Variants in FBXO42 observed in about 807,000 individuals in gnomAD.
The protein encoded by FBXO42 is F-box protein 42, also known as F-box only protein 42.
FBXO42 carries 12 observed loss-of-function variants against 71.7 expected under a neutral mutation model. The ratio of observed to expected loss-of-function variants is 0.17; its 90% CI spans 0.11 to 0.27. The LOEUF (loss-of-function observed/expected upper bound fraction) is 0.27. Ranked by LOEUF, FBXO42 falls within the 10% of genes least tolerant of loss-of-function variation. FBXO42 has a pLI of 1.00. For missense variants in FBXO42, 707 were observed against 911.9 expected (o/e 0.78, Z 2.89); for synonymous variants, 325 against 327.5 (o/e 0.99, Z 0.08).
chr1:16,261,958 C>T (rs893544679), intron 4 of FBXO42, among the ~76,000 whole-genome samples: 7 of 152,104 alleles, frequency 4.6e-5, no homozygotes, highest in African/African-American at 9.7e-5. Flanking sequence ...GTGATCCACC[C>T]GCCTTGGTCT....
At chr1:16,256,808 A>C in intron 4 of FBXO42, 49 bp from the exon 5 acceptor site, 1 of 1,595,636 alleles carries the variant, frequency 6.3e-7, no homozygotes, top group Non-Finnish European at 8.6e-7. Flanking sequence ...TCTCACAACA[A>C]TCCGTAGTTA....
At chr1:16,285,357 TC>T (rs1380067679) in intron 4 of FBXO42, among the ~76,000 whole-genome samples, 1 of 151,596 alleles carries the variant, frequency 6.6e-6, no homozygotes, top group Non-Finnish European at 1.5e-5. Context: ...CACTGCAACC[TC>T]CGCCTCCTGG....
At chr1:16,263,874 A>C (rs1260513672) in intron 4 of FBXO42, among the ~76,000 whole-genome samples, 1 of 146,626 alleles carries the variant, frequency 6.8e-6, no homozygotes, top group Non-Finnish European at 1.5e-5. Flanking sequence ...GCGATGGCAC[A>C]ATCTTGGCTC....
intron 4 of FBXO42, among the ~76,000 whole-genome samples, chr1:16,258,666 A>G (rs2081676333): frequency 1.3e-5 from 2 of 152,050 alleles, no homozygotes; most frequent in Non-Finnish European, 2.9e-5. Flanking sequence ...CGTGTCAACT[A>G]TTTTGAATAC....
At chr1:16,270,317 GAACA>G (rs2081825941) in intron 4 of FBXO42, among the ~76,000 whole-genome samples, 2 of 152,240 alleles carry the variant, frequency 1.3e-5, no homozygotes, top group East Asian at 3.9e-4. Flanking sequence ...GTTTCAGAGG[GAACA>G]AACATTCAAA....
chr1:16,288,532 G>A (rs970263396), intron 4 of FBXO42, among the ~76,000 whole-genome samples: 2 of 151,730 alleles, frequency 1.3e-5, no homozygotes, highest in East Asian at 1.9e-4. Flanking sequence ...ACATTTAATA[G>A]GAACCAAAAA....
intron 1 of FBXO42, among the ~76,000 whole-genome samples, chr1:16,329,632 A>G (rs560576625): frequency 6.6e-6 from 1 of 151,412 alleles, no homozygotes; most frequent in African/African-American, 2.4e-5. Flanking sequence ...ATATCCACAA[A>G]TTCATATTGA....
At chr1:16,289,623 C>A (rs1005869916) in intron 4 of FBXO42, among the ~76,000 whole-genome samples, 6 of 144,780 alleles carry the variant, frequency 4.1e-5, no homozygotes, top group Admixed American at 4.1e-4. Flanking sequence ...CAGGCACATG[C>A]CATTCTCACT....
intron 4 of FBXO42, among the ~76,000 whole-genome samples, chr1:16,259,232 G>T (rs2081682724): frequency 6.6e-6 from 1 of 152,162 alleles, no homozygotes; most frequent in Admixed American, 6.5e-5. Flanking sequence ...TAATATAATG[G>T]TCTAGTTAAA....
At chr1:16,291,317 T>C (rs11260718) in intron 4 of FBXO42, among the ~76,000 whole-genome samples, 41,507 of 152,034 alleles carry the variant, frequency 0.27, 6,564 homozygotes, top group Non-Finnish European at 0.37. Flanking sequence ...TACAGAAACA[T>C]TGTCTTAGGG....
chr1:16,305,375 G>A (rs1226403931), intron 3 of FBXO42, among the ~76,000 whole-genome samples: 1 of 152,140 alleles, frequency 6.6e-6, no homozygotes, highest in Non-Finnish European at 1.5e-5. Flanking sequence ...GTGACAGAGT[G>A]AGACTCCATT....
chr1:16,344,723 G>C (rs11587039), intron 1 of FBXO42, among the ~76,000 whole-genome samples: 39,358 of 151,904 alleles, frequency 0.26, 5,868 homozygotes, highest in Non-Finnish European at 0.34. Context: ...TTCAGTATGA[G>C]ACAAATATAA....
chr1:16,281,751 G>A (rs922320846), intron 4 of FBXO42, among the ~76,000 whole-genome samples: 3 of 151,406 alleles, frequency 2.0e-5, no homozygotes, highest in African/African-American at 7.3e-5. Context: ...CCACCTCCCG[G>A]GTTCAAGCGA....
intron 2 of FBXO42, among the ~76,000 whole-genome samples, chr1:16,314,208 G>A (rs1052927871): frequency 2.6e-5 from 4 of 152,084 alleles, no homozygotes; most frequent in African/African-American, 9.7e-5. Flanking sequence ...CCTTGGCCTC[G>A]CAAAGTGCTG....
In FBXO42 at chr1:16,352,384, G is replaced by T; in HGVS notation, c.-147C>A. 1 of 399,570 alleles carries T rather than the reference G, an allele frequency of 2.5e-6. No individual in the cohort carries two copies. The allele number at this position is 399,570 out of a possible 1,614,324, so 24.8% of individuals were successfully genotyped here. ...GCCGTGCTCGGGGCTCCTCACAGCT[G>T]GCGGGACCCCGAGCCGCCCGGAGCC... On this transcript the variant is annotated 5_prime_UTR_variant, in exon 1 of 10. Transcript: ENST00000375592.
Position 16,252,161 on chromosome 1 carries a change from T to G in FBXO42, c.1038+127A>C. Reference sequence around the variant, plus strand: ...AATGCCAAAGGAGCTATGGCTAATGTTCACCTCTTTTGTGACACCAAGGTG... The same window carrying G: ...AATGCCAAAGGAGCTATGGCTAATGGTCACCTCTTTTGTGACACCAAGGTG... On this transcript the variant is annotated intron_variant, in intron 9 of 9. Transcript: ENST00000375592. The surrounding 1 kb of genome is among the most constrained non-coding windows in gnomAD (Gnocchi z 4.4). 1.3e-6 allele frequency: 1 copy of G among 753,134 alleles called. No homozygotes were observed. The highest frequency in any genetic ancestry group is 2.5e-5 in the East Asian group (1 of 40,502). 46.7% of individuals were successfully genotyped at this position (753,134 alleles called of 1,614,324 possible).
At chr1:16,274,758 A>AT (rs34674980) in intron 4 of FBXO42, among the ~76,000 whole-genome samples, 41,104 of 150,520 alleles carry the variant, frequency 0.27, 6,482 homozygotes, top group Non-Finnish European at 0.37. Flanking sequence ...TGCCCAGCTA[A>AT]TTTTTTGTAT....
In FBXO42 at chr1:16,296,587, T is replaced by C. The variant is rs370803907; in HGVS notation, c.368-1670A>G. Among the ~76,000 whole-genome samples, 31 of 147,270 alleles carry C rather than the reference T, an allele frequency of 2.1e-4. No individual in the cohort carries two copies. In the East Asian group the frequency reaches 5.6e-3, roughly 27 times the overall value. The stretch of plus-strand genomic sequence containing the variant: ...ATCGCTTGAACCCGGGAGGCGGAGG[T>C]TGCAGTGAGCCAAGATTGCGCCACT... On this transcript the variant is annotated intron_variant, in intron 3 of 9. Transcript: ENST00000375592.
intron 4 of FBXO42, chr1:16,293,842 G>A (rs1024486597): frequency 6.6e-6 from 1 of 152,228 alleles, no homozygotes; most frequent in East Asian, 1.9e-4. Flanking sequence ...TCCCAGAGAA[G>A]TGCAATAACT....
Sources: gnomAD v4.1 joint callset for allele counts (sites outside exome capture counted in the v4.1 genomes callset) on GRCh38, gnomAD v4.1.1 for gene constraint, Gnocchi (gnomAD v3.1) non-coding constraint, MANE v1.5 for transcripts, NCBI Gene and HGNC (gene_info 2026-07-23, HGNC 2026-07-21) for gene names.